The following CD109 variants were observed in gnomAD, a reference collection of about 807,000 sequenced individuals.
The protein encoded by CD109 is CD109 antigen.
Under a neutral mutation model 165.8 loss-of-function variants are expected in CD109, and 149 were observed. The ratio of observed to expected loss-of-function variants is 0.90; its 90% confidence interval spans 0.79 to 1.03. The LOEUF (loss-of-function observed/expected upper bound fraction) is 1.03. CD109 is among the 50% of genes least tolerant of loss of function. The pLI is 0.00. For missense variants in CD109, 1,712 were observed against 1,677.8 expected (o/e 1.02, Z -0.36); for synonymous variants, 585 against 592.1 (o/e 0.99, Z 0.18).
chr6:73,783,280 T>C (rs1774572516), intron 18 of CD109, among the ~76,000 whole-genome samples: 1 of 152,256 alleles, frequency 6.6e-6, no homozygotes. Context: ...TATAGTCAGC[T>C]GTTTAAAGAT....
At chr6:73,775,478 C>T (rs1774208556) in intron 15 of CD109, among the ~76,000 whole-genome samples, 1 of 152,050 alleles carries the variant, frequency 6.6e-6, no homozygotes, top group African/African-American at 2.4e-5. Flanking sequence ...TTTCTTCTTC[C>T]TTTCCCCCTC....
chr6:73,809,165 G>T (rs1477064719), intron 26 of CD109, among the ~76,000 whole-genome samples: 1 of 152,056 alleles, frequency 6.6e-6, no homozygotes, highest in Non-Finnish European at 1.5e-5. Flanking sequence ...CACCAAGTAG[G>T]ATGGTCCTCT....
chr6:73,729,923 G>A (rs930139474), intron 3 of CD109, among the ~76,000 whole-genome samples: 1 of 152,166 alleles, frequency 6.6e-6, no homozygotes, highest in Non-Finnish European at 1.5e-5. Context: ...CAGAAAACAG[G>A]TTGAGAGAAT....
At chr6:73,778,057 C>A (rs1357249925) in intron 15 of CD109, among the ~76,000 whole-genome samples, 2 of 152,138 alleles carry the variant, frequency 1.3e-5, no homozygotes, top group Non-Finnish European at 2.9e-5. Context: ...GATGTTTTCC[C>A]ATTGGTTTGT....
chr6:73,814,874 C>A, intron 29 of CD109, 107 bp from the exon 30 acceptor site: 1 of 647,076 alleles, frequency 1.5e-6, no homozygotes, highest in Non-Finnish European at 2.3e-6. Context: ...GATTAAAAAT[C>A]TTACTGGGTC....
At chr6:73,780,087 A>G (rs1378013967) in intron 15 of CD109, among the ~76,000 whole-genome samples, 2 of 151,820 alleles carry the variant, frequency 1.3e-5, no homozygotes, top group African/African-American at 4.8e-5. Context: ...AACAAAGTTA[A>G]CCTGTTTATC....
chr6:73,763,487 T>C, intron 9 of CD109, 89 bp from the exon 10 acceptor site: 1 of 674,432 alleles, frequency 1.5e-6, no homozygotes, highest in Non-Finnish European at 2.6e-6. Flanking sequence ...TAACCCTTTT[T>C]GCAATAGGTT....
At chr6:73,786,485 A>C (rs1421080859) in intron 20 of CD109, among the ~76,000 whole-genome samples, 1 of 152,040 alleles carries the variant, frequency 6.6e-6, no homozygotes, top group East Asian at 1.9e-4. Flanking sequence ...TTTTTAACCC[A>C]GTTATCATGG....
At chr6:73,708,451 A>G (rs371244341) in intron 2 of CD109, among the ~76,000 whole-genome samples, 105 of 152,222 alleles carry the variant, frequency 6.9e-4, no homozygotes, top group Non-Finnish European at 1.3e-3. Context: ...TAATGCCTCA[A>G]TAAACATACG....
At position 73,824,194 on chromosome 6, in the gene CD109, G is replaced by T. The variant is rs1776203078; in HGVS notation, c.*561G>T. 1 of 149,084 alleles carries T rather than the reference G, an allele frequency of 6.7e-6. No homozygotes were observed. Among genetic ancestry groups the T allele is most frequent in the Non-Finnish European group, 1.5e-5 (1 of 67,406 alleles). 9.2% of individuals were successfully genotyped at this position (149,084 alleles called of 1,614,324 possible). A position where few individuals can be genotyped will look rare whatever the true frequency, so the allele number is the denominator to read the frequency against. On this transcript the variant is annotated 3_prime_UTR_variant, in exon 33 of 33. Transcript: ENST00000287097. ...CTAGGTGGTGAATTTTTTTTAAGTG[G>T]CACGGTCTTTTTCTGCTTGAAATCT...
chr6:73,750,692 C>T (rs187411806), intron 5 of CD109, among the ~76,000 whole-genome samples: 10 of 152,280 alleles, frequency 6.6e-5, no homozygotes, highest in African/African-American at 2.4e-4. Context: ...CTGGTGGAGG[C>T]AGCAGCAATA....
chr6:73,765,461 T>G (rs527885747), intron 10 of CD109, among the ~76,000 whole-genome samples: 1 of 152,282 alleles, frequency 6.6e-6, no homozygotes, highest in Non-Finnish European at 1.5e-5. Context: ...ATTCAAGGTG[T>G]CCAGGATATC....
chr6:73,721,509 C>T (rs1211786953), intron 2 of CD109, among the ~76,000 whole-genome samples: 21 of 151,610 alleles, frequency 1.4e-4, no homozygotes, highest in Non-Finnish European at 7.4e-5. Context: ...GGACTACAGG[C>T]GCCTGCCACC....
rs201598534 is a variant in CD109 at position 73,736,494 on chromosome 6, C to T, written c.619C>T (p.Gln207Ter). 10 of 1,611,174 alleles carry T rather than the reference C, an allele frequency of 6.2e-6. No homozygotes were observed. In the East Asian group the frequency reaches 2.0e-4, roughly 33 times the overall value. The change falls in exon 5 of 33, where the codon CAA becomes TAA. Residue 207 changes from glutamine to a stop codon, truncating the protein, a stop_gained. Coordinates refer to ENST00000287097, the MANE Select transcript of CD109 (RefSeq NM_133493.5). LOFTEE classifies it high-confidence loss of function. ...SHPILGDWSI[Q>*]VQVNDQTYYQ... ...TCCAATACTTGGTGACTGGTCTATTCAAGTTCAAGTGAATGTGAGTATAAA... is the reference window on the plus strand; with the variant it reads ...TCCAATACTTGGTGACTGGTCTATTTAAGTTCAAGTGAATGTGAGTATAAA...
chr6:73,748,916 GGAT>G (rs1464140275), intron 5 of CD109, among the ~76,000 whole-genome samples: 2 of 152,180 alleles, frequency 1.3e-5, no homozygotes, highest in African/African-American at 2.4e-5. Context: ...CACTTTTACA[GGAT>G]GATATTTCCA....
chr6:73,803,173 T>C, intron 23 of CD109, 47 bp from the exon 24 acceptor site: 1 of 1,288,870 alleles, frequency 7.8e-7, no homozygotes. Context: ...CTTTCATCCA[T>C]TGCAAGTTAA....
chr6:73,755,439 A>T (rs952746272), intron 5 of CD109, among the ~76,000 whole-genome samples: 1 of 152,216 alleles, frequency 6.6e-6, no homozygotes, highest in Non-Finnish European at 1.5e-5. Context: ...TTTGAAGTGA[A>T]CTATGGCCTT....
rs370081960 is a variant in CD109, at chr6:73,823,455, C to T, written c.4163-3C>T. On this transcript the variant is annotated splice_region_variant and splice_polypyrimidine_tract_variant and intron_variant, in intron 32 of 32. Coordinates refer to ENST00000287097, the MANE Select transcript of CD109 (RefSeq NM_133493.5). ...GTGAACTGATGTCTGCTTCTTTGAA[C>T]AGGGAGACAGGCGGTGAGAAGTTAC... 1.3e-6 allele frequency: 2 copies of T among 1,599,522 alleles called. No homozygotes were observed. Among genetic ancestry groups the T allele is most frequent in the Non-Finnish European group, 1.7e-6 (2 of 1,169,846 alleles).
In CD109 at chr6:73,736,439, C is replaced by T; in HGVS notation, c.564C>T (p.Val188=). The T allele has an allele frequency of 6.2e-7, 1 of 1,613,856 alleles. No homozygotes were observed. The highest frequency in any genetic ancestry group is 8.5e-7 in the Non-Finnish European group (1 of 1,179,828). ...QWLSQQSDLG[V]ISKTFQLSSH... ...TGTCACAACAAAGTGATCTTGGAGTCATTTCCAAAACTTTTCAGCTATCTT... is the reference window on the plus strand; with the variant it reads ...TGTCACAACAAAGTGATCTTGGAGTTATTTCCAAAACTTTTCAGCTATCTT... Residue 188 remains valine, a synonymous_variant, in exon 5 of 33, where the codon GTC becomes GTT. Coordinates refer to ENST00000287097, the MANE Select transcript of CD109 (RefSeq NM_133493.5).
Sources: gnomAD v4.1 joint callset for allele counts (sites outside exome capture counted in the v4.1 genomes callset) on GRCh38, gnomAD v4.1.1 for gene constraint, MANE v1.5 for transcripts, NCBI Gene and HGNC (gene_info 2026-07-23, HGNC 2026-07-21) for gene names.